Variants in TCF12 observed in about 807,000 individuals in gnomAD.
The protein encoded by TCF12 is transcription factor 12.
TCF12 carries 45 observed loss-of-function variants against 86.0 expected under a neutral mutation model. That is an observed-to-expected ratio of 0.52 (90% CI 0.41 to 0.67). The LOEUF (loss-of-function observed/expected upper bound fraction) is 0.67. TCF12 is among the 30% of genes least tolerant of loss of function. The pLI is 0.00. For missense variants in TCF12, 881 were observed against 859.9 expected (o/e 1.02, Z -0.31); for synonymous variants, 330 against 299.6 (o/e 1.10, Z -1.05).
chr15:56,928,131 G>C (rs2060095885), intron 3 of TCF12, among the ~76,000 whole-genome samples: 1 of 152,164 alleles, frequency 6.6e-6, no homozygotes, highest in Non-Finnish European at 1.5e-5. Context: ...ATGACTTGCA[G>C]CTTACTAGCT....
intron 4 of TCF12, among the ~76,000 whole-genome samples, chr15:57,082,808 AG>A (rs2048395253): frequency 6.6e-6 from 1 of 152,216 alleles, no homozygotes. Context: ...TTTCACATTT[AG>A]ATAATTGACC....
intron 12 of TCF12, among the ~76,000 whole-genome samples, chr15:57,234,538 T>C (rs1203711347): frequency 6.6e-6 from 1 of 152,140 alleles, no homozygotes; most frequent in African/African-American, 2.4e-5. Flanking sequence ...ACTCAAGGAA[T>C]AGGAAATGAG....
At chr15:57,027,013 A>AT (rs1203575002) in intron 3 of TCF12, among the ~76,000 whole-genome samples, 6 of 150,968 alleles carry the variant, frequency 4.0e-5, no homozygotes, top group African/African-American at 4.9e-5. Flanking sequence ...ATTTTGTTGT[A>AT]TTTTTTTTTC....
At chr15:57,235,271 C>T (rs1203113346) in intron 12 of TCF12, among the ~76,000 whole-genome samples, 1 of 152,172 alleles carries the variant, frequency 6.6e-6, no homozygotes, top group African/African-American at 2.4e-5. Flanking sequence ...TTTACATGCC[C>T]TGTTTCATTT....
chr15:56,919,848 T>G, intron 1 of TCF12, 44 bp from the exon 2 acceptor site: 2 of 1,562,766 alleles, frequency 1.3e-6, no homozygotes, highest in South Asian at 1.1e-5. Flanking sequence ...TCACACACTT[T>G]GGGCCTCGGT....
chr15:57,053,353 A>T (rs2067769222), intron 3 of TCF12, among the ~76,000 whole-genome samples: 2 of 152,092 alleles, frequency 1.3e-5, no homozygotes, highest in South Asian at 2.1e-4. Flanking sequence ...GGGGTTTCTT[A>T]TGTATGTTGG....
rs983741085 is a variant in TCF12 at position 56,979,516 on chromosome 15, G to A, written c.148+58418G>A. On this transcript the variant is annotated intron_variant, in intron 3 of 20. Transcript: ENST00000333725. Reference sequence around the variant, plus strand: ...ACTTATGATATGCTTATAAACTATGGAAGGCAAACATTCTGTTGTAGCATG... The same window carrying A: ...ACTTATGATATGCTTATAAACTATGAAAGGCAAACATTCTGTTGTAGCATG... Among the ~76,000 whole-genome samples, 4 of 152,278 alleles carry A rather than the reference G, an allele frequency of 2.6e-5. No homozygotes were observed. In the East Asian group the frequency reaches 7.7e-4, roughly 29 times the overall value.
intron 19 of TCF12, among the ~76,000 whole-genome samples, chr15:57,275,983 A>G (rs16977360): frequency 0.019 from 2,850 of 152,138 alleles, 80 homozygotes; most frequent in African/African-American, 0.062. Flanking sequence ...CATGACTACA[A>G]CGTTATTTGT....
intron 3 of TCF12, among the ~76,000 whole-genome samples, chr15:57,061,808 A>G (rs1054892082): frequency 2.0e-5 from 3 of 152,166 alleles, no homozygotes; most frequent in African/African-American, 7.2e-5. Flanking sequence ...AGTTCCATAT[A>G]TTAGTGGATT....
At chr15:57,198,922 C>T (rs1366255433) in intron 8 of TCF12, among the ~76,000 whole-genome samples, 1 of 152,122 alleles carries the variant, frequency 6.6e-6, no homozygotes, top group Non-Finnish European at 1.5e-5. Context: ...TTTTGGTTGT[C>T]TGCCTTCCTT....
intron 3 of TCF12, among the ~76,000 whole-genome samples, chr15:56,947,935 A>T (rs2140416523): frequency 6.6e-6 from 1 of 152,284 alleles, no homozygotes; most frequent in African/African-American, 2.4e-5. Context: ...TACAAGTGAG[A>T]GCCTGCAGAT....
chr15:57,038,053 A>G (rs967855360), intron 3 of TCF12, among the ~76,000 whole-genome samples: 1 of 152,216 alleles, frequency 6.6e-6, no homozygotes, highest in African/African-American at 2.4e-5. Flanking sequence ...ATTAAGTGGA[A>G]AAATTCCTGT....
At chr15:56,983,571 A>G (rs773295710) in intron 3 of TCF12, among the ~76,000 whole-genome samples, 39 of 152,320 alleles carry the variant, frequency 2.6e-4, no homozygotes, top group Non-Finnish European at 4.0e-4. Flanking sequence ...AGAGAGATCT[A>G]TTGCAGAACC....
At chr15:57,229,146 A>G (rs2059017889) in intron 8 of TCF12, among the ~76,000 whole-genome samples, 1 of 152,026 alleles carries the variant, frequency 6.6e-6, no homozygotes, top group Non-Finnish European at 1.5e-5. Flanking sequence ...GAAAGGGGAC[A>G]GAGAACTTCT....
chr15:57,198,148 T>C (rs1237787410), intron 8 of TCF12, among the ~76,000 whole-genome samples: 1 of 152,228 alleles, frequency 6.6e-6, no homozygotes, highest in African/African-American at 2.4e-5. Flanking sequence ...TTAGTCATTA[T>C]GTTGCTGAAC....
At chr15:56,961,907 C>T (rs572732385) in intron 3 of TCF12, among the ~76,000 whole-genome samples, 3 of 151,962 alleles carry the variant, frequency 2.0e-5, no homozygotes, top group South Asian at 4.2e-4. Context: ...CTTTGGGAGG[C>T]CGAGGTGGGT....
intron 4 of TCF12, among the ~76,000 whole-genome samples, chr15:57,071,954 A>C (rs760066320): frequency 1.2e-4 from 19 of 152,234 alleles, no homozygotes; most frequent in Non-Finnish European, 2.2e-4. Flanking sequence ...AAATAGTACG[A>C]GATAAGGCAG....
intron 3 of TCF12, among the ~76,000 whole-genome samples, chr15:56,972,974 A>G (rs564963315): frequency 2.0e-4 from 31 of 152,282 alleles, no homozygotes; most frequent in Middle Eastern, 3.4e-3. Flanking sequence ...CTGGAGAGCT[A>G]TGGGCTAGCA....
At chr15:56,990,996 A>G (rs7170133) in intron 3 of TCF12, among the ~76,000 whole-genome samples, 59,381 of 151,626 alleles carry the variant, frequency 0.39, 14,401 homozygotes, top group Non-Finnish European at 0.54. Flanking sequence ...GGGTCTCACC[A>G]TGTTGCCCAG....
Sources: allele counts gnomAD v4.1 joint callset (sites outside exome capture counted in the v4.1 genomes callset), GRCh38; gene constraint gnomAD v4.1.1; transcripts MANE v1.5; gene names NCBI Gene and HGNC (gene_info 2026-07-23, HGNC 2026-07-21).